The following CDK14 variants were observed in gnomAD, a reference collection of about 807,000 sequenced individuals.
CDK14 encodes cyclin-dependent kinase 14.
CDK14 carries 34 observed loss-of-function variants against 60.7 expected under a neutral mutation model. That is an observed-to-expected ratio of 0.56 (90% CI 0.43 to 0.75). The LOEUF is 0.75. CDK14 is among the 30% of genes least tolerant of loss of function. The probability of loss-of-function intolerance (pLI) is 0.00; values close to 1 mark genes in which losing one functional copy is unlikely to be tolerated. For synonymous variants in CDK14, 197 were observed against 203.7 expected (o/e 0.97, Z 0.28); for missense variants, 482 against 564.1 (o/e 0.85, Z 1.47).
At chr7:90,919,264 G>A (rs926979116) in intron 8 of CDK14, among the ~76,000 whole-genome samples, 24 of 152,086 alleles carry the variant, frequency 1.6e-4, no homozygotes, top group South Asian at 6.2e-4. Context: ...TGCATTTGTC[G>A]TATATTTATA....
At chr7:91,020,804 A>C (rs1287941054) in intron 10 of CDK14, among the ~76,000 whole-genome samples, 1 of 152,236 alleles carries the variant, frequency 6.6e-6, no homozygotes, top group African/African-American at 2.4e-5. Flanking sequence ...GTCAGGTGCC[A>C]GGCATAGCTT....
chr7:90,880,504 C>T (rs1791711503), intron 6 of CDK14, among the ~76,000 whole-genome samples: 1 of 152,154 alleles, frequency 6.6e-6, no homozygotes, highest in Non-Finnish European at 1.5e-5. Context: ...AGCCTTTCCT[C>T]CTGGTAGTTC....
intron 6 of CDK14, among the ~76,000 whole-genome samples, chr7:90,876,982 G>T (rs1300117379): frequency 6.6e-6 from 1 of 152,124 alleles, no homozygotes; most frequent in Non-Finnish European, 1.5e-5. Flanking sequence ...GTGTCTGAAG[G>T]ATTTTATTAG....
rs144242673 is a variant in CDK14, at chr7:91,104,576, T to G, written c.1155-7966T>G. On this transcript the variant is annotated intron_variant, in intron 12 of 14. Transcript: ENST00000380050. ...AAAATGTAGAACCATCCAAAAAGAT[T>G]GTCCAGTTCCCTTTTGCTAACCTCT... Among the ~76,000 whole-genome samples, 213 of 152,314 alleles carry G rather than the reference T, an allele frequency of 1.4e-3. 4 individuals are homozygous for G. In the East Asian group the frequency reaches 0.035, roughly 25 times the overall value.
At chr7:90,834,472 T>G (rs985453476) in intron 5 of CDK14, among the ~76,000 whole-genome samples, 3 of 152,144 alleles carry the variant, frequency 2.0e-5, no homozygotes, top group Non-Finnish European at 2.9e-5. Flanking sequence ...AGATGAGATT[T>G]TATTAGGACT....
intron 10 of CDK14, among the ~76,000 whole-genome samples, chr7:90,998,182 T>A (rs1795739443): frequency 6.6e-6 from 1 of 152,162 alleles, no homozygotes. Flanking sequence ...GCAAAAAATA[T>A]TTTAGATGAA....
intron 5 of CDK14, among the ~76,000 whole-genome samples, chr7:90,810,270 C>G (rs1467063323): frequency 3.9e-5 from 6 of 152,144 alleles, no homozygotes; most frequent in African/African-American, 1.4e-4. Context: ...AGTTTATCCA[C>G]CATGATCAAG....
At chr7:90,969,028 G>A (rs1289012798) in intron 9 of CDK14, among the ~76,000 whole-genome samples, 2 of 152,148 alleles carry the variant, frequency 1.3e-5, no homozygotes, top group Non-Finnish European at 2.9e-5. Flanking sequence ...CATCATTCAA[G>A]TTGTAATCTA....
intron 4 of CDK14, among the ~76,000 whole-genome samples, chr7:90,749,262 CT>C (rs1367408999): frequency 6.8e-6 from 1 of 147,534 alleles, no homozygotes; most frequent in Non-Finnish European, 1.5e-5. Flanking sequence ...TGCCCCACCC[CT>C]TCTGTCCAGA....
chr7:90,648,784 C>A (rs1197757717), intron 2 of CDK14, among the ~76,000 whole-genome samples: 2 of 152,190 alleles, frequency 1.3e-5, no homozygotes, highest in African/African-American at 4.8e-5. Context: ...ATGCCCTGTC[C>A]TATGAAACTT....
At chr7:90,895,381 CT>C (rs1333427469) in intron 6 of CDK14, among the ~76,000 whole-genome samples, 492 of 7,194 alleles carry the variant, frequency 0.068, 56 homozygotes, top group Non-Finnish European at 0.086. Context: ...CTCCCCTCTC[CT>C]CTCCTCTCCT....
chr7:91,123,368 A>C (rs1440793014), intron 14 of CDK14, among the ~76,000 whole-genome samples: 1 of 151,916 alleles, frequency 6.6e-6, no homozygotes. Flanking sequence ...CTGTTATCTC[A>C]TGTAATTGAC....
intron 2 of CDK14, among the ~76,000 whole-genome samples, chr7:90,620,102 G>A (rs1265469626): frequency 2.0e-5 from 3 of 152,252 alleles, no homozygotes; most frequent in South Asian, 2.1e-4. Flanking sequence ...TGTAATACAT[G>A]TCCTACAAGA....
At chr7:90,982,086 G>T (rs1170066944) in intron 9 of CDK14, among the ~76,000 whole-genome samples, 2 of 152,154 alleles carry the variant, frequency 1.3e-5, no homozygotes, top group Non-Finnish European at 2.9e-5. Flanking sequence ...GGTCTGGGAG[G>T]CAAGGTCTTT....
chr7:91,209,775 A>G lies in CDK14; in HGVS notation c.*2639A>G, dbSNP rs1179588297. ...AAAAATATGAGATACATAGGATGTG[A>G]AAAAAAATGTTTGCAGTACTCAGCA... On this transcript the variant is annotated 3_prime_UTR_variant, in exon 15 of 15. Transcript: ENST00000380050. 1 of 152,370 alleles carries G rather than the reference A, an allele frequency of 6.6e-6. No individual in the cohort carries two copies. The highest frequency in any genetic ancestry group is 1.5e-5 in the Non-Finnish European group (1 of 68,000). 9.4% of individuals were successfully genotyped at this position (152,370 alleles called of 1,614,324 possible). A position where few individuals can be genotyped will look rare whatever the true frequency, so the allele number is the denominator to read the frequency against.
At chr7:91,004,668 T>C (rs1427460275) in intron 10 of CDK14, among the ~76,000 whole-genome samples, 1 of 152,198 alleles carries the variant, frequency 6.6e-6, no homozygotes, top group East Asian at 1.9e-4. Flanking sequence ...AGTTTTGAAG[T>C]GAAGCGGTGA....
chr7:90,902,068 A>G (rs1346619017), intron 7 of CDK14, among the ~76,000 whole-genome samples: 1 of 152,112 alleles, frequency 6.6e-6, no homozygotes, highest in Non-Finnish European at 1.5e-5. Context: ...GATCTGTATA[A>G]GAAAACTGCA....
chr7:91,002,462 A>T (rs183663736), intron 10 of CDK14, among the ~76,000 whole-genome samples: 1 of 152,330 alleles, frequency 6.6e-6, no homozygotes, highest in East Asian at 1.9e-4. Flanking sequence ...AATTATTTTG[A>T]TCACTTGTGT....
chr7:90,614,609 A>T (rs754307719), intron 2 of CDK14, among the ~76,000 whole-genome samples: 6 of 151,686 alleles, frequency 4.0e-5, no homozygotes, highest in African/African-American at 1.2e-4. Flanking sequence ...TTTAAAATTA[A>T]TTTTTTTAAA....
Sources: gnomAD v4.1 joint callset for allele counts (sites outside exome capture counted in the v4.1 genomes callset) on GRCh38, gnomAD v4.1.1 for gene constraint, MANE v1.5 for transcripts, NCBI Gene and HGNC (gene_info 2026-07-23, HGNC 2026-07-21) for gene names.